Variants in DHRS9 observed in about 807,000 individuals in gnomAD.
The protein encoded by DHRS9 is dehydrogenase/reductase SDR family member 9.
In DHRS9, 18 loss-of-function variants were observed where a neutral mutation model predicts 26.6. That is an observed-to-expected ratio of 0.68 (90% CI 0.47 to 1.00). The LOEUF (loss-of-function observed/expected upper bound fraction) is 1.00. Among genes scored for constraint, DHRS9 ranks in the 50% least tolerant of loss-of-function variants. The pLI is 0.00. For synonymous variants in DHRS9, 134 were observed against 141.1 expected (o/e 0.95, Z 0.36); for missense variants, 425 against 378.7 (o/e 1.12, Z -1.01).
chr2:169,085,339 T>C (rs908294681), intron 3 of DHRS9, among the ~76,000 whole-genome samples: 1 of 152,180 alleles, frequency 6.6e-6, no homozygotes, highest in African/African-American at 2.4e-5. Flanking sequence ...TATATAAATT[T>C]TAGGATTGTT....
At chr2:169,073,843 A>G (rs999461736) in intron 1 of DHRS9, among the ~76,000 whole-genome samples, 2 of 152,178 alleles carry the variant, frequency 1.3e-5, no homozygotes, top group Non-Finnish European at 2.9e-5. Context: ...AAGTAGTTCT[A>G]GTGCTATGAT....
At chr2:169,068,572 C>T (rs553435613), upstream of DHRS9, among the ~76,000 whole-genome samples, 7 of 152,164 alleles carry the variant, frequency 4.6e-5, no homozygotes, top group African/African-American at 4.8e-5. Flanking sequence ...GTGATCCGCC[C>T]GCTTTGGCCT....
At chr2:169,087,177 C>T (rs1684378418) in intron 3 of DHRS9, among the ~76,000 whole-genome samples, 1 of 152,144 alleles carries the variant, frequency 6.6e-6, no homozygotes, top group South Asian at 2.1e-4. Flanking sequence ...TGTGGTTGAG[C>T]CAGCATCCAA....
chr2:169,076,594 A>G (rs529034416), intron 1 of DHRS9, among the ~76,000 whole-genome samples: 2 of 152,348 alleles, frequency 1.3e-5, no homozygotes, highest in African/African-American at 4.8e-5. Context: ...CCCACTCCAC[A>G]GAGTTCATTC....
In DHRS9 at chr2:169,083,329, G is replaced by A. The variant is rs2105292799; in HGVS notation, c.314G>A (p.Gly105Asp). 1 of 1,613,698 alleles carries A rather than the reference G, an allele frequency of 6.2e-7. No individual in the cohort carries two copies. Residue 105 changes from glycine to aspartate, a missense_variant and splice_region_variant, in exon 3 of 5, where the codon GGT becomes GAT. By Grantham distance (94) the Gly-to-Asp change is moderately conservative. Coordinates refer to ENST00000674881, the MANE Select transcript of DHRS9 (RefSeq NM_001376924.1). ...CTCTTTTCCTTCCTCTCTGTTCTAG[G>A]TCTCTGGGGTCTGATCAATAATGCT... ...QWVKNQVGEK[G>D]LWGLINNAGV...
intron 1 of DHRS9, among the ~76,000 whole-genome samples, chr2:169,078,823 T>C (rs886750866): frequency 1.2e-5 from 1 of 82,762 alleles, no homozygotes; most frequent in Admixed American, 1.2e-4. Flanking sequence ...GACTTTTTTT[T>C]TTTTTTTTTT....
chr2:169,089,109 G>C (rs1684440512), intron 3 of DHRS9, among the ~76,000 whole-genome samples: 1 of 152,182 alleles, frequency 6.6e-6, no homozygotes, highest in Admixed American at 6.5e-5. Flanking sequence ...GTAAAAGGCA[G>C]AGAGTATGCT....
intron 1 of DHRS9, among the ~76,000 whole-genome samples, chr2:169,079,690 C>A (rs1684083234): frequency 6.6e-6 from 1 of 151,456 alleles, no homozygotes; most frequent in Non-Finnish European, 1.5e-5. Context: ...CCCACCTCTA[C>A]TAAAAATACA....
chr2:169,076,121 A>G (rs1017608194), intron 1 of DHRS9, among the ~76,000 whole-genome samples: 2 of 151,830 alleles, frequency 1.3e-5, no homozygotes, highest in Non-Finnish European at 2.9e-5. Context: ...TAGATGGCAT[A>G]TTAATTCTAA....
chr2:169,083,897 A>G (rs1684272680), intron 3 of DHRS9, among the ~76,000 whole-genome samples: 1 of 152,176 alleles, frequency 6.6e-6, no homozygotes, highest in Admixed American at 6.5e-5. Flanking sequence ...TGTTGACTGT[A>G]GTCACCCTGT....
chr2:169,081,383 A>C (rs1684176078), intron 1 of DHRS9, 140 bp from the exon 2 acceptor site: 11 of 1,171,412 alleles, frequency 9.4e-6, no homozygotes, highest in African/African-American at 1.6e-5. Flanking sequence ...TTCCCAACAA[A>C]CAACCAAATA....
chr2:169,070,501 T>C (rs1683766593), intron 1 of DHRS9: 3 of 985,344 alleles, frequency 3.0e-6, no homozygotes, highest in African/African-American at 1.7e-5. Context: ...CAGATTGTGC[T>C]TCTGTACTAT....
chr2:169,093,808 T>C (rs1684609548), intron 4 of DHRS9, among the ~76,000 whole-genome samples: 1 of 152,182 alleles, frequency 6.6e-6, no homozygotes, highest in Non-Finnish European at 1.5e-5. Flanking sequence ...TTTTCTTAAT[T>C]TCCCAAGCTG....
intron 3 of DHRS9, among the ~76,000 whole-genome samples, chr2:169,086,457 T>C (rs1684352895): frequency 6.6e-6 from 1 of 152,202 alleles, no homozygotes. Flanking sequence ...AAAGGTCTCA[T>C]GTCTCTGTCT....
At chr2:169,081,395 G>C in intron 1 of DHRS9, 128 bp from the exon 2 acceptor site, 1 of 1,218,100 alleles carries the variant, frequency 8.2e-7, no homozygotes, top group South Asian at 1.9e-5. Flanking sequence ...AACCAAATAA[G>C]AGTTATTGTT....
At position 169,095,864 on chromosome 2, in the gene DHRS9, G is replaced by C; in HGVS notation, c.*97G>C. The C allele has an allele frequency of 9.2e-7, 1 of 1,092,368 alleles. No homozygotes were observed. Among genetic ancestry groups the C allele is most frequent in the Non-Finnish European group, 1.4e-6 (1 of 739,254 alleles). The allele number at this position is 1,092,368 out of a possible 1,614,324, so 67.7% of individuals were successfully genotyped here. A position where few individuals can be genotyped will look rare whatever the true frequency, so the allele number is the denominator to read the frequency against. ...CCCATTCCTTATCTGCTCCAACCTG[G>C]ACTCATTTAGATCGTGCTTATTTGG... is the stretch of plus-strand genomic sequence containing the variant. On this transcript the variant is annotated 3_prime_UTR_variant, in exon 5 of 5. Transcript: ENST00000674881.
chr2:169,074,208 C>T, intron 1 of DHRS9: 2 of 929,650 alleles, frequency 2.2e-6, no homozygotes, highest in Non-Finnish European at 2.6e-6. Context: ...CATTAGGTCA[C>T]TTCACCCAGT....
intron 4 of DHRS9, among the ~76,000 whole-genome samples, chr2:169,092,465 G>A (rs1004865773): frequency 5.9e-5 from 9 of 152,244 alleles, no homozygotes; most frequent in Non-Finnish European, 1.2e-4. Flanking sequence ...AAGCGAGAAT[G>A]TAAAACAATG....
upstream of DHRS9, chr2:169,067,122 A>T: frequency 6.5e-7 from 1 of 1,534,992 alleles, no homozygotes; most frequent in Non-Finnish European, 8.7e-7. Flanking sequence ...ACTGAGAATG[A>T]CTTGAGAGAG....
Sources: allele counts gnomAD v4.1 joint callset (sites outside exome capture counted in the v4.1 genomes callset), GRCh38; gene constraint gnomAD v4.1.1; transcripts MANE v1.5; gene names NCBI Gene and HGNC (gene_info 2026-07-23, HGNC 2026-07-21).